MUC22: variants seen among roughly 807,000 people sequenced by gnomAD.
The protein encoded by MUC22 is mucin-22.
Under a neutral mutation model 40.3 loss-of-function variants are expected in MUC22, and 24 were observed. The ratio of observed to expected loss-of-function variants is 0.60; its 90% CI spans 0.43 to 0.84. The LOEUF is 0.84. Among genes scored for constraint, MUC22 ranks in the 40% least tolerant of loss-of-function variants. MUC22 has a pLI of 0.00. For synonymous variants in MUC22, 765 were observed against 844.5 expected, an observed-to-expected ratio of 0.91 and a Z score of 1.63; for missense variants, 1,926 against 2,130.7, an observed-to-expected ratio of 0.90 and a Z score of 1.89.
At chr6:31,021,787 T>TG (rs1764769786) in intron 1 of MUC22, among the ~76,000 whole-genome samples, 1 of 152,044 alleles carries the variant, frequency 6.6e-6, no homozygotes, top group South Asian at 2.1e-4. Context: ...AGGATGTGGG[T>TG]GGGGCCAGAT....
upstream of MUC22, among the ~76,000 whole-genome samples, chr6:31,008,291 T>C (rs920651411): frequency 6.6e-6 from 1 of 152,238 alleles, no homozygotes; most frequent in African/African-American, 2.4e-5. Flanking sequence ...GTACTGTGTC[T>C]CAGAGTCGTT....
chr6:31,030,535 G>A (rs12110481), intron 2 of MUC22, among the ~76,000 whole-genome samples: 1 of 137,466 alleles, frequency 7.3e-6, no homozygotes, highest in African/African-American at 2.7e-5. Flanking sequence ...AAAAAAAAAT[G>A]TCCTCTTCTG....
rs1763887053 is a variant in MUC22 at position 31,011,872 on chromosome 6, C to T, written c.70+1096C>T. Among the ~76,000 whole-genome samples the T allele has an allele frequency of 6.6e-6, 1 of 152,188 alleles. No individual in the cohort carries two copies. Among genetic ancestry groups the T allele is most frequent in the Admixed American group, 6.5e-5 (1 of 15,276 alleles). ...TCTACTGTTTTTTGATTTTTTGCTT[C>T]AACCCTTCTTCGGATGCTGCCTGAT... is the stretch of plus-strand genomic sequence containing the variant. On this transcript the variant is annotated intron_variant, in intron 1 of 3. Transcript: ENST00000561890. The surrounding 1 kb of genome is among the most constrained non-coding windows in gnomAD (Gnocchi z 4.5).
chr6:31,006,819 G>A (rs747847723), upstream of MUC22, among the ~76,000 whole-genome samples: 15 of 152,114 alleles, frequency 9.9e-5, no homozygotes, highest in Admixed American at 5.2e-4. Context: ...TAAAAACCTA[G>A]ACTATTGAGG....
At chr6:31,033,778 G>A (rs183180352) in intron 3 of MUC22, among the ~76,000 whole-genome samples, 6 of 152,256 alleles carry the variant, frequency 3.9e-5, no homozygotes, top group Non-Finnish European at 5.9e-5. Context: ...CTTTTCCCTC[G>A]GAGAGCCTGT....
At chr6:31,029,080 A>G (rs1562615895) in exon 2 of MUC22, 2 of 1,534,438 alleles carry the variant, frequency 1.3e-6, no homozygotes, top group East Asian at 2.5e-5. Flanking sequence ...TGAGACCACT[A>G]CAGTCACTAC....
upstream of MUC22, among the ~76,000 whole-genome samples, chr6:31,008,126 A>T (rs762072252): frequency 2.0e-5 from 3 of 152,254 alleles, no homozygotes; most frequent in Non-Finnish European, 4.4e-5. Context: ...TTTGGACATG[A>T]CAACCTCCTT....
At chr6:31,022,457 G>A (rs1333396449) in intron 1 of MUC22, among the ~76,000 whole-genome samples, 1 of 148,746 alleles carries the variant, frequency 6.7e-6, no homozygotes, top group Non-Finnish European at 1.5e-5. Context: ...AGGCAAGACT[G>A]ACATTTTTTT....
intron 1 of MUC22, among the ~76,000 whole-genome samples, chr6:31,022,265 T>C (rs9262535): frequency 0.44 from 67,383 of 151,932 alleles, 15,165 homozygotes; most frequent in East Asian, 0.55. Flanking sequence ...TCAAGCGATT[T>C]TCCTGCCTCA....
At chr6:31,019,225 T>C (rs1328748400) in intron 1 of MUC22, among the ~76,000 whole-genome samples, 1 of 152,246 alleles carries the variant, frequency 6.6e-6, no homozygotes, top group Non-Finnish European at 1.5e-5. Flanking sequence ...TGTTCTTGAC[T>C]TCTTTTCGTG....
chr6:31,010,843 GAATCCCC>G, intron 1 of MUC22, 67 bp downstream of exon 1: 2 of 695,278 alleles, frequency 2.9e-6, no homozygotes, highest in South Asian at 1.5e-5. Context: ...AGGAGATGGG[GAATCCCC>G]TGCCCAGGCA....
exon 2 of MUC22, chr6:31,028,875 C>G (rs1327959763): frequency 6.5e-7 from 1 of 1,533,670 alleles, no homozygotes; most frequent in Non-Finnish European, 8.7e-7. Flanking sequence ...CTACCACCAC[C>G]TCTACTGAAG....
At chr6:31,022,252 G>A (rs972576377) in intron 1 of MUC22, among the ~76,000 whole-genome samples, 1 of 152,150 alleles carries the variant, frequency 6.6e-6, no homozygotes, top group Non-Finnish European at 1.5e-5. Context: ...AGACACACTG[G>A]GTTCAAGCGA....
At position 31,032,934 on chromosome 6, in the gene MUC22, G is replaced by A. The variant is rs1766175693; in HGVS notation, c.5055+353G>A. On this transcript the variant is annotated intron_variant, in intron 3 of 3. Coordinates refer to ENST00000561890, the Ensembl canonical transcript of MUC22. This position sits in a 1 kb window ranked among gnomAD's most constrained non-coding sequence, Gnocchi z 4.1. ...TAATTCCAGCACTTTGGAAGGCCAAGGAGGGCGGATCACTTGAGTCCAGGC... is the reference window on the plus strand; with the variant it reads ...TAATTCCAGCACTTTGGAAGGCCAAAGAGGGCGGATCACTTGAGTCCAGGC... Among the ~76,000 whole-genome samples, 1 of 152,208 alleles carries A rather than the reference G, an allele frequency of 6.6e-6. No homozygotes were observed. Among genetic ancestry groups the A allele is most frequent in the South Asian group, 2.1e-4 (1 of 4,830 alleles).
At chr6:31,016,279 T>C (rs1026082953) in intron 1 of MUC22, among the ~76,000 whole-genome samples, 1 of 152,226 alleles carries the variant, frequency 6.6e-6, no homozygotes, top group African/African-American at 2.4e-5. Flanking sequence ...GCTAGAGATT[T>C]TTCTCAAATA....
chr6:31,026,267 C>T, exon 2 of MUC22: 3 of 1,338,508 alleles, frequency 2.2e-6, no homozygotes, highest in Non-Finnish European at 3.0e-6. Context: ...GAGACCACTA[C>T]AATCCTGATT....
exon 2 of MUC22, chr6:31,028,143 G>T: frequency 6.5e-7 from 1 of 1,533,532 alleles, no homozygotes; most frequent in Non-Finnish European, 8.7e-7. Flanking sequence ...CAGACTCTGA[G>T]ACCACCATGG....
exon 4 of MUC22, chr6:31,034,952 T>A: frequency 6.5e-7 from 1 of 1,530,886 alleles, no homozygotes. Context: ...CACCATGGAG[T>A]GGATCACAGA....
chr6:31,018,330 C>G (rs1764410064), intron 1 of MUC22, among the ~76,000 whole-genome samples: 1 of 152,214 alleles, frequency 6.6e-6, no homozygotes, highest in Middle Eastern at 3.2e-3. Context: ...ACTATCCTTC[C>G]TGTATTTAGT....
Sources: gnomAD v4.1 joint callset for allele counts (sites outside exome capture counted in the v4.1 genomes callset) on GRCh38, gnomAD v4.1.1 for gene constraint, Gnocchi (gnomAD v3.1) non-coding constraint, MANE v1.5 for transcripts, NCBI Gene and HGNC (gene_info 2026-07-23, HGNC 2026-07-21) for gene names.